The following E2F6 variants were observed in gnomAD, a reference collection of about 807,000 sequenced individuals.
E2F6 encodes the protein transcription factor E2F6.
Under a neutral mutation model 31.5 loss-of-function variants are expected in E2F6, and 19 were observed. That is an observed-to-expected ratio of 0.60 (90% confidence interval 0.42 to 0.89). E2F6 has a LOEUF of 0.89. E2F6 is among the 40% of genes least tolerant of loss of function. E2F6 has a pLI of 0.00. For synonymous variants in E2F6, 121 were observed against 127.7 expected (o/e 0.95, Z 0.36); for missense variants, 269 against 341.6 (o/e 0.79, Z 1.67).
At position 11,465,833 on chromosome 2, in the gene E2F6, TC is replaced by T. The variant is rs1161484206; in HGVS notation, c.46del (p.Asp16ThrfsTer25). On this transcript the variant is annotated frameshift_variant, in exon 1 of 7. Coordinates refer to ENST00000381525, the MANE Select transcript of E2F6 (RefSeq NM_198256.4). LOFTEE classifies it high-confidence loss of function. ...ACGGCGAACCGTCTCCTCCGTCGGG[TC>T]CAGGAGGAGACTGGGTAACTTCCTC... ...PARKLPSLLLDPTEETVRRRC... is the reference protein window; with the variant it reads ...PARKLPSLLLXPTEETVRRRC... 2 of 1,593,386 alleles carry T rather than the reference TC, an allele frequency of 1.3e-6. No homozygotes were observed. The highest frequency in any genetic ancestry group is 1.7e-6 in the Non-Finnish European group (2 of 1,171,086).
In E2F6 at chr2:11,451,845, G is replaced by A. The variant is rs139506111; in HGVS notation, c.381-39C>T. On this transcript the variant is annotated intron_variant, in intron 3 of 6. Coordinates refer to ENST00000381525, the MANE Select transcript of E2F6 (RefSeq NM_198256.4). ...AAAATGTCAGCATCAATACCAACTA[G>A]GAGATAACAAAGTAATTTCAAGTTA... The A allele has an allele frequency of 1.6e-4, 257 of 1,570,536 alleles. 1 individual carries two copies. The African/African-American group carries it at 3.2e-3, about 20-fold the overall frequency.
rs939524012 is a variant in E2F6 at position 11,458,304 on chromosome 2, C to A, written c.109-1071G>T. ...ACAGAAGGATTCATGGCGAAGGCAG[C>A]CCTCAGCTGAGCCTAGCCCAGCAAG... On this transcript the variant is annotated intron_variant, in intron 1 of 6. Transcript: ENST00000381525. 3.2e-6 allele frequency: 5 copies of A among 1,551,658 alleles called. No homozygotes were observed. In the African/African-American group the frequency reaches 4.1e-5, roughly 13 times the overall value.
chr2:11,454,641 C>A (rs1038877100), intron 2 of E2F6, among the ~76,000 whole-genome samples: 4 of 151,976 alleles, frequency 2.6e-5, no homozygotes, highest in Admixed American at 2.0e-4. Flanking sequence ...TAAGAGCCAC[C>A]GCGGCTGGCC....
rs992503450 is a variant in E2F6 at position 11,458,851 on chromosome 2, G to C, written c.109-1618C>G. 2.0e-5 allele frequency among the ~76,000 whole-genome samples: 3 copies of C among 152,298 alleles called. No individual in the cohort carries two copies. In the South Asian group the frequency reaches 6.2e-4, roughly 32 times the overall value. On this transcript the variant is annotated intron_variant, in intron 1 of 6. Coordinates refer to ENST00000381525, the MANE Select transcript of E2F6 (RefSeq NM_198256.4). ...TTGTTAGAATTGAACACGTAGACCT[G>C]CTAGGGCATGCAACACTGGAGCTGG...
At chr2:11,454,331 G>C (rs1268821506) in intron 2 of E2F6, among the ~76,000 whole-genome samples, 2 of 151,306 alleles carry the variant, frequency 1.3e-5, no homozygotes, top group African/African-American at 4.9e-5. Context: ...GACATACCTC[G>C]AGCAACAGTG....
intron 6 of E2F6, 83 bp from the exon 7 acceptor site, chr2:11,446,606 A>G (rs1165981141): frequency 2.6e-6 from 3 of 1,164,392 alleles, no homozygotes; most frequent in Non-Finnish European, 3.8e-6. Context: ...AAAAGAATAC[A>G]CAATCTGACT....
At chr2:11,454,283 TG>T (rs1572499549) in intron 2 of E2F6, among the ~76,000 whole-genome samples, 1 of 152,178 alleles carries the variant, frequency 6.6e-6, no homozygotes, top group African/African-American at 2.4e-5. Context: ...TGAATTTTTT[TG>T]AAAGAGCCCA....
chr2:11,461,090 AGAG>A (rs1671749546), intron 1 of E2F6, among the ~76,000 whole-genome samples: 1 of 152,186 alleles, frequency 6.6e-6, no homozygotes, highest in Non-Finnish European at 1.5e-5. Flanking sequence ...GAACTGTTTC[AGAG>A]GAGGCCATTA....
intron 1 of E2F6, among the ~76,000 whole-genome samples, chr2:11,460,988 G>C (rs1370004603): frequency 6.6e-6 from 1 of 151,954 alleles, no homozygotes; most frequent in South Asian, 2.1e-4. Flanking sequence ...TCACCTTTAG[G>C]GGTCTGCTGG....
intron 5 of E2F6, among the ~76,000 whole-genome samples, chr2:11,448,886 A>C (rs1352992337): frequency 3.3e-5 from 5 of 152,332 alleles, no homozygotes; most frequent in South Asian, 4.1e-4. Context: ...TTCTAAGAAA[A>C]AGGAGCAGGC....
chr2:11,463,568 TC>T (rs1273146589), intron 1 of E2F6, among the ~76,000 whole-genome samples: 1 of 152,150 alleles, frequency 6.6e-6, no homozygotes, highest in African/African-American at 2.4e-5. Context: ...CGTTCAATGA[TC>T]AAATGTAGAT....
At chr2:11,459,798 C>T (rs548308376) in intron 1 of E2F6, among the ~76,000 whole-genome samples, 48 of 152,124 alleles carry the variant, frequency 3.2e-4, no homozygotes, top group African/African-American at 1.2e-3. Context: ...GCAGGAGAAT[C>T]GCTTGAACCC....
At chr2:11,457,367 T>C in intron 1 of E2F6, 134 bp from the exon 2 acceptor site, 1 of 611,478 alleles carries the variant, frequency 1.6e-6, no homozygotes, top group Non-Finnish European at 2.9e-6. Context: ...CTCACGCCTG[T>C]AATCCCAGCA....
intron 1 of E2F6, among the ~76,000 whole-genome samples, chr2:11,460,109 T>C (rs984948953): frequency 6.6e-6 from 1 of 152,072 alleles, no homozygotes. Flanking sequence ...ACCTATACTT[T>C]ATTGTGTAGC....
In E2F6 at chr2:11,465,836, AG is replaced by A. The variant is rs755276002; in HGVS notation, c.43del (p.Leu15TrpfsTer26). On this transcript the variant is annotated frameshift_variant, in exon 1 of 7. Coordinates refer to ENST00000381525, the MANE Select transcript of E2F6 (RefSeq NM_198256.4). LOFTEE classifies it high-confidence loss of function. ...RPARKLPSLL[L>X]DPTEETVRRR... Reference sequence around the variant, plus strand: ...GCGAACCGTCTCCTCCGTCGGGTCCAGGAGGAGACTGGGTAACTTCCTCGCC... The same window carrying A: ...GCGAACCGTCTCCTCCGTCGGGTCCAGAGGAGACTGGGTAACTTCCTCGCC... 1 of 1,592,290 alleles carries A rather than the reference AG, an allele frequency of 6.3e-7. No homozygotes were observed. Among genetic ancestry groups the A allele is most frequent in the Admixed American group, 1.8e-5 (1 of 56,908 alleles).
rs1464168139 is a variant in E2F6, at chr2:11,445,189, T to G, written c.*1288A>C. The G allele has an allele frequency of 6.6e-6, 1 of 152,244 alleles. No homozygotes were observed. Among genetic ancestry groups the G allele is most frequent in the African/African-American group, 2.4e-5 (1 of 41,458 alleles). The allele number at this position is 152,244 out of a possible 1,614,324, so 9.4% of individuals were successfully genotyped here. A position where few individuals can be genotyped will look rare whatever the true frequency, so the allele number is the denominator to read the frequency against. ...AAACACAGTCTGAATTTGAAGTCGCTTCAAATATTTCTTTAAAAGCAATAT... is the reference window on the plus strand; with the variant it reads ...AAACACAGTCTGAATTTGAAGTCGCGTCAAATATTTCTTTAAAAGCAATAT... On this transcript the variant is annotated 3_prime_UTR_variant, in exon 7 of 7. Transcript: ENST00000381525.
At chr2:11,456,223 T>C (rs1306581339) in intron 2 of E2F6, among the ~76,000 whole-genome samples, 1 of 152,214 alleles carries the variant, frequency 6.6e-6, no homozygotes, top group Non-Finnish European at 1.5e-5. Flanking sequence ...GAATCAGGGT[T>C]TTCTCTACAT....
intron 1 of E2F6, among the ~76,000 whole-genome samples, chr2:11,459,862 T>A (rs992869118): frequency 6.6e-6 from 1 of 150,914 alleles, no homozygotes; most frequent in Non-Finnish European, 1.5e-5. Context: ...CCAGCCCAGA[T>A]GACGGTGCGA....
chr2:11,451,190 A>G (rs1671039251), intron 4 of E2F6: 4 of 152,614 alleles, frequency 2.6e-5, no homozygotes, highest in Non-Finnish European at 1.5e-5. Context: ...GACTATAAAA[A>G]TGAATACTCA....
Sources: gnomAD v4.1 joint callset for allele counts (sites outside exome capture counted in the v4.1 genomes callset) on GRCh38, gnomAD v4.1.1 for gene constraint, MANE v1.5 for transcripts, NCBI Gene and HGNC (gene_info 2026-07-23, HGNC 2026-07-21) for gene names.